KCNIP4: variants seen among roughly 807,000 people sequenced by gnomAD.
KCNIP4 encodes the protein potassium voltage-gated channel interacting protein 4.
KCNIP4 carries 12 observed loss-of-function variants against 34.0 expected under a neutral mutation model. The observed-to-expected ratio is 0.35, with a 90% CI of 0.23 to 0.57. KCNIP4 has a LOEUF of 0.57. Among genes scored for constraint, KCNIP4 ranks in the 20% least tolerant of loss-of-function variants. The probability of loss-of-function intolerance (pLI) is 0.83; values close to 1 mark genes in which losing one functional copy is unlikely to be tolerated. For missense variants in KCNIP4, 238 were observed against 311.7 expected (o/e 0.76, Z 1.78); for synonymous variants, 124 against 102.2 (o/e 1.21, Z -1.29).
intron 1 of KCNIP4, among the ~76,000 whole-genome samples, chr4:21,001,341 A>G (rs1404971880): frequency 6.6e-6 from 1 of 152,198 alleles, no homozygotes; most frequent in Non-Finnish European, 1.5e-5. Flanking sequence ...ATAAGTAACT[A>G]AAGTTCTAAA....
Position 21,903,296 on chromosome 4 carries a change from T to C in KCNIP4, c.61+45275A>G, listed in dbSNP as rs540419693. On this transcript the variant is annotated intron_variant, in intron 1 of 8. Coordinates refer to ENST00000382152, the MANE Select transcript of KCNIP4 (RefSeq NM_025221.6). ...GGTCACAGAAGGAAGCCTTCTTTTT[T>C]CTTTGAATAGACCAGGAATAGGAAT... is the stretch of plus-strand genomic sequence containing the variant. Among the ~76,000 whole-genome samples, 38 of 152,284 alleles carry C rather than the reference T, an allele frequency of 2.5e-4. No homozygotes were observed. In the East Asian group the frequency reaches 7.1e-3, roughly 29 times the overall value.
chr4:21,311,638 G>A (rs550432317), intron 1 of KCNIP4, among the ~76,000 whole-genome samples: 6 of 143,204 alleles, frequency 4.2e-5, no homozygotes, highest in East Asian at 4.8e-4. Flanking sequence ...GCAGTGAGCC[G>A]AGATCATGCC....
chr4:21,709,285 C>A (rs1022366910), intron 1 of KCNIP4, among the ~76,000 whole-genome samples: 1 of 152,308 alleles, frequency 6.6e-6, no homozygotes, highest in Non-Finnish European at 1.5e-5. Context: ...TATTGAGTTT[C>A]TACTTACCAG....
At chr4:21,900,079 T>G (rs1727623095) in intron 1 of KCNIP4, among the ~76,000 whole-genome samples, 1 of 152,176 alleles carries the variant, frequency 6.6e-6, no homozygotes, top group Non-Finnish European at 1.5e-5. Flanking sequence ...ATAGGATATT[T>G]TGTTTCAATT....
chr4:21,665,075 C>A (rs182199941), intron 1 of KCNIP4, among the ~76,000 whole-genome samples: 1 of 152,110 alleles, frequency 6.6e-6, no homozygotes, highest in Non-Finnish European at 1.5e-5. Context: ...TAAAATAGGA[C>A]GTGAGGACCA....
intron 3 of KCNIP4, among the ~76,000 whole-genome samples, chr4:20,838,470 A>G (rs899826561): frequency 2.0e-5 from 3 of 152,186 alleles, no homozygotes; most frequent in South Asian, 4.1e-4. Context: ...TTGCATTTAT[A>G]TACTGATATT....
At chr4:21,814,851 C>A (rs1212432062) in intron 1 of KCNIP4, among the ~76,000 whole-genome samples, 1 of 152,118 alleles carries the variant, frequency 6.6e-6, no homozygotes, top group Admixed American at 6.5e-5. Flanking sequence ...ACAGGAAATA[C>A]CATCCTGATA....
chr4:21,167,672 T>A (rs1447155645), intron 1 of KCNIP4, among the ~76,000 whole-genome samples: 2 of 152,204 alleles, frequency 1.3e-5, no homozygotes, highest in African/African-American at 2.4e-5. Context: ...CAGTAGCCAC[T>A]TTTATTTAAT....
At chr4:21,422,532 AT>A (rs1725568616) in intron 1 of KCNIP4, among the ~76,000 whole-genome samples, 1 of 151,846 alleles carries the variant, frequency 6.6e-6, no homozygotes, top group Non-Finnish European at 1.5e-5. Context: ...TAGGATAGAG[AT>A]GATTGGCAAG....
chr4:21,319,991 A>G (rs1052329453), intron 1 of KCNIP4, among the ~76,000 whole-genome samples: 4 of 152,326 alleles, frequency 2.6e-5, no homozygotes, highest in African/African-American at 9.6e-5. Flanking sequence ...GTTTTTCTAT[A>G]TGTTCCTGGT....
At chr4:20,908,358 A>G (rs1401673681) in intron 1 of KCNIP4, among the ~76,000 whole-genome samples, 2 of 152,268 alleles carry the variant, frequency 1.3e-5, no homozygotes, top group Admixed American at 1.3e-4. Flanking sequence ...TCAGCCTCCC[A>G]AAGTGGGATT....
At chr4:21,686,423 T>C (rs1408163810) in intron 1 of KCNIP4, among the ~76,000 whole-genome samples, 2 of 152,138 alleles carry the variant, frequency 1.3e-5, no homozygotes, top group African/African-American at 4.8e-5. Flanking sequence ...AACCTATAAA[T>C]TTCTAATATT....
intron 1 of KCNIP4, among the ~76,000 whole-genome samples, chr4:21,885,110 A>T (rs576138052): frequency 1.3e-5 from 2 of 152,290 alleles, no homozygotes; most frequent in African/African-American, 4.8e-5. Context: ...GTTGTTCACT[A>T]TGGCATCTCT....
intron 1 of KCNIP4, among the ~76,000 whole-genome samples, chr4:21,716,873 T>A (rs903266775): frequency 6.6e-6 from 1 of 152,062 alleles, no homozygotes; most frequent in Non-Finnish European, 1.5e-5. Flanking sequence ...AACTCAAGTG[T>A]AGGTAAATTT....
chr4:21,634,121 C>G (rs1479174722), intron 1 of KCNIP4, among the ~76,000 whole-genome samples: 1 of 149,180 alleles, frequency 6.7e-6, no homozygotes, highest in East Asian at 2.0e-4. Flanking sequence ...CATTAATGAT[C>G]ACATTTTAAG....
intron 1 of KCNIP4, among the ~76,000 whole-genome samples, chr4:21,392,652 C>T (rs561223434): frequency 2.4e-4 from 37 of 152,284 alleles, no homozygotes; most frequent in African/African-American, 7.9e-4. Flanking sequence ...GAATTTTTAG[C>T]TTCATAGCTT....
intron 1 of KCNIP4, among the ~76,000 whole-genome samples, chr4:21,311,392 G>C (rs1211185835): frequency 6.6e-6 from 1 of 152,096 alleles, no homozygotes; most frequent in Non-Finnish European, 1.5e-5. Context: ...ATAATGGCTT[G>C]GTTTTTAAAT....
intron 1 of KCNIP4, among the ~76,000 whole-genome samples, chr4:21,932,759 T>A (rs914709205): frequency 6.6e-6 from 1 of 152,082 alleles, no homozygotes; most frequent in African/African-American, 2.4e-5. Flanking sequence ...TGTGTACACC[T>A]GGAATCAGCA....
chr4:21,891,532 G>A (rs1011766837), intron 1 of KCNIP4, among the ~76,000 whole-genome samples: 1 of 152,060 alleles, frequency 6.6e-6, no homozygotes, highest in African/African-American at 2.4e-5. Context: ...TGAGCAGGGT[G>A]ACAGATTTTT....
Sources: gnomAD v4.1 joint callset for allele counts (sites outside exome capture counted in the v4.1 genomes callset) on GRCh38, gnomAD v4.1.1 for gene constraint, MANE v1.5 for transcripts, NCBI Gene and HGNC (gene_info 2026-07-23, HGNC 2026-07-21) for gene names.